The following TENM2 variants were observed in gnomAD, a reference collection of about 807,000 sequenced individuals.
TENM2 encodes teneurin-2.
In TENM2, 52 loss-of-function variants were observed where a neutral mutation model predicts 245.2. The observed-to-expected ratio is 0.21, with a 90% CI of 0.17 to 0.27. The LOEUF is 0.27. TENM2 is among the 10% of genes least tolerant of loss of function. The probability of loss-of-function intolerance (pLI) is 1.00; values close to 1 mark genes in which losing one functional copy is unlikely to be tolerated. For missense variants in TENM2, 3,046 were observed against 3,666.8 expected (o/e 0.83, Z 4.37); for synonymous variants, 1,363 against 1,438.9 (o/e 0.95, Z 1.19).
At chr5:167,238,654 C>G in the TENM2 span, among the ~76,000 whole-genome samples, 1 of 136,352 alleles carries the variant, frequency 7.3e-6, no homozygotes, top group Admixed American at 7.7e-5. Flanking sequence ...TGTGGAATGA[C>G]TAGATAAGTT....
At chr5:167,196,512 G>GTATATATATGTGTGTGTATATATA in the TENM2 span, among the ~76,000 whole-genome samples, 7 of 144,280 alleles carry the variant, frequency 4.9e-5, no homozygotes, top group African/African-American at 2.0e-4. Flanking sequence ...ATATATATGT[G>GTATATATATGTGTGTGTATATATA]TGTGTATATA....
At chr5:168,125,759 AAAG>A (rs1412192045) in intron 11 of TENM2, among the ~76,000 whole-genome samples, 4 of 152,138 alleles carry the variant, frequency 2.6e-5, no homozygotes, top group Non-Finnish European at 5.9e-5. Flanking sequence ...AGAAAAAAAA[AAAG>A]AAGAGTCAGT....
intron 2 of TENM2, among the ~76,000 whole-genome samples, chr5:167,624,233 C>T (rs1778359086): frequency 1.3e-5 from 2 of 152,144 alleles, no homozygotes; most frequent in South Asian, 4.1e-4. Context: ...GAATAGTACA[C>T]AGCCATGAAA....
chr5:167,434,100 A>C (rs948176381), intron 2 of TENM2, among the ~76,000 whole-genome samples: 1 of 152,168 alleles, frequency 6.6e-6, no homozygotes, highest in Non-Finnish European at 1.5e-5. Flanking sequence ...TTATTAAATA[A>C]GTATATATTG....
the TENM2 span, among the ~76,000 whole-genome samples, chr5:167,227,009 A>G: frequency 2.0e-5 from 3 of 151,942 alleles, no homozygotes; most frequent in Non-Finnish European, 4.4e-5. Flanking sequence ...GTCTGTTTTA[A>G]GTATAGCTGC....
At chr5:168,042,150 A>T (rs769168429) in intron 5 of TENM2, among the ~76,000 whole-genome samples, 10 of 152,072 alleles carry the variant, frequency 6.6e-5, no homozygotes, top group Non-Finnish European at 1.5e-4. Context: ...CATCATCTCT[A>T]AGGCCCTTGT....
chr5:168,065,809 GA>G (rs375327664), intron 7 of TENM2, among the ~76,000 whole-genome samples: 323 of 138,352 alleles, frequency 2.3e-3, no homozygotes, highest in African/African-American at 3.7e-3. Context: ...CCATTTCAGT[GA>G]AAAAAAAAAG....
intron 25 of TENM2, among the ~76,000 whole-genome samples, chr5:168,233,917 C>T (rs1028910180): frequency 5.9e-5 from 9 of 152,222 alleles, no homozygotes; most frequent in East Asian, 1.9e-4. Flanking sequence ...TAGAATAGCA[C>T]GGGAAAGATC....
chr5:167,214,071 G>A, the TENM2 span, among the ~76,000 whole-genome samples: 554 of 152,294 alleles, frequency 3.6e-3, 5 homozygotes, highest in African/African-American at 0.013. Context: ...AGAAAAATTT[G>A]TCTGGTGATT....
At chr5:168,103,285 C>T (rs1362548895) in intron 9 of TENM2, among the ~76,000 whole-genome samples, 5 of 152,194 alleles carry the variant, frequency 3.3e-5, no homozygotes, top group East Asian at 1.9e-4. Flanking sequence ...CCATACAGAG[C>T]GCACCCAGCT....
intron 2 of TENM2, among the ~76,000 whole-genome samples, chr5:167,580,027 G>T (rs1229426666): frequency 6.6e-6 from 1 of 152,166 alleles, no homozygotes; most frequent in Non-Finnish European, 1.5e-5. Context: ...GCCTTTATAG[G>T]CTTGAAACTG....
intron 6 of TENM2, among the ~76,000 whole-genome samples, chr5:168,060,089 C>A (rs551349260): frequency 6.6e-6 from 1 of 152,152 alleles, no homozygotes; most frequent in Admixed American, 6.5e-5. Flanking sequence ...AAAAGTTAGC[C>A]AACATTTAAA....
intron 2 of TENM2, among the ~76,000 whole-genome samples, chr5:167,640,830 A>AATATATATATCCATATAT (rs1467354693): frequency 3.9e-5 from 4 of 101,292 alleles, no homozygotes; most frequent in Admixed American, 1.1e-4. Context: ...TAGAAATAGA[A>AATATATATATCCATATAT]ATATATATAT....
the TENM2 span, among the ~76,000 whole-genome samples, chr5:166,985,403 GT>G: frequency 6.6e-6 from 1 of 152,116 alleles, no homozygotes; most frequent in African/African-American, 2.4e-5. Context: ...TCTGCCACCA[GT>G]TTTATTTTTA....
At chr5:167,432,336 C>T (rs1764301281) in intron 2 of TENM2, among the ~76,000 whole-genome samples, 1 of 151,760 alleles carries the variant, frequency 6.6e-6, no homozygotes, top group Admixed American at 6.6e-5. Context: ...ATAGATATAA[C>T]CTTTATCATT....
chr5:167,938,389 G>C (rs1778901284), intron 3 of TENM2: 1 of 152,214 alleles, frequency 6.6e-6, no homozygotes, highest in Non-Finnish European at 1.5e-5. Flanking sequence ...TTTCAAAGCA[G>C]TGTGTCATAA....
At chr5:168,048,120 A>T (rs1788769834) in intron 6 of TENM2, among the ~76,000 whole-genome samples, 1 of 151,044 alleles carries the variant, frequency 6.6e-6, no homozygotes, top group Non-Finnish European at 1.5e-5. Flanking sequence ...AGAACAGTGA[A>T]GGGGACAATA....
At chr5:167,654,898 T>C (rs1203492721) in intron 2 of TENM2, among the ~76,000 whole-genome samples, 3 of 152,176 alleles carry the variant, frequency 2.0e-5, no homozygotes, top group African/African-American at 7.2e-5. Flanking sequence ...ACTTTTGCAA[T>C]AGAATTCTCA....
At chr5:167,926,973 A>T (rs1209865109) in intron 3 of TENM2, among the ~76,000 whole-genome samples, 3 of 152,202 alleles carry the variant, frequency 2.0e-5, no homozygotes, top group African/African-American at 7.2e-5. Context: ...AAAACACAAC[A>T]AAATTTGGTA....
Sources: allele counts gnomAD v4.1 joint callset (sites outside exome capture counted in the v4.1 genomes callset), GRCh38; gene constraint gnomAD v4.1.1; transcripts MANE v1.5; gene names NCBI Gene and HGNC (gene_info 2026-07-23, HGNC 2026-07-21).